Variants in ZDHHC15 observed in about 807,000 individuals in gnomAD.
ZDHHC15 encodes the protein palmitoyltransferase ZDHHC15.
In ZDHHC15, 19 loss-of-function variants were observed where a neutral mutation model predicts 31.7. The observed-to-expected ratio is 0.60, with a 90% CI of 0.42 to 0.88. The LOEUF (loss-of-function observed/expected upper bound fraction) is 0.88. ZDHHC15 is among the 40% of genes least tolerant of loss of function. The probability of loss-of-function intolerance (pLI) is 0.00; values close to 1 mark genes in which losing one functional copy is unlikely to be tolerated. For missense variants in ZDHHC15, 209 were observed against 251.2 expected (o/e 0.83, Z 1.14); for synonymous variants, 103 against 90.0 (o/e 1.14, Z -0.82).
At chrX:75,390,434 C>T (rs1192088019) in intron 10 of ZDHHC15, among the ~76,000 whole-genome samples, 1 of 111,605 alleles carries the variant, frequency 9.0e-6, no homozygotes, top group African/African-American at 3.3e-5. Flanking sequence ...GCTGACCCAG[C>T]ACAGCCCTAG....
At chrX:75,440,580 C>T (rs938164276) in intron 4 of ZDHHC15, among the ~76,000 whole-genome samples, 1 of 112,551 alleles carries the variant, frequency 8.9e-6, no homozygotes, top group Non-Finnish European at 1.9e-5. Flanking sequence ...TGCCCAACCA[C>T]GTTCTTTTAT....
intron 1 of ZDHHC15, among the ~76,000 whole-genome samples, chrX:75,507,606 C>T (rs2085188419): frequency 9.0e-6 from 1 of 111,518 alleles, no homozygotes; most frequent in Non-Finnish European, 1.9e-5. Context: ...GGTAAGTGTA[C>T]ATTTAGCCAT....
rs749051324 is a variant in ZDHHC15, at chrX:75,435,929, C to T, written c.380-4409G>A. On this transcript the variant is annotated intron_variant, in intron 4 of 11. Coordinates refer to ENST00000373367, the MANE Select transcript of ZDHHC15 (RefSeq NM_144969.3). ...TTCAGTAGGAGTGGTACCAATTCTTCTTTGAGTGTCTGATAGAATTCAGCT... is the reference window on the plus strand; with the variant it reads ...TTCAGTAGGAGTGGTACCAATTCTTTTTTGAGTGTCTGATAGAATTCAGCT... Among the ~76,000 whole-genome samples the T allele has an allele frequency of 3.6e-5, 4 of 111,903 alleles. No individual in the cohort carries two copies. In the South Asian group the frequency reaches 1.5e-3, roughly 42 times the overall value.
At chrX:75,375,585 A>G (rs1429872526) in intron 11 of ZDHHC15, among the ~76,000 whole-genome samples, 3 of 111,026 alleles carry the variant, frequency 2.7e-5, no homozygotes, top group African/African-American at 9.8e-5. Context: ...AGTAGTCCAC[A>G]GTGTCTATTG....
rs537855948 is a variant in ZDHHC15, at chrX:75,497,845, C to G, written c.163+7976G>C. ...TACACCTTATGGCAACGAAAGCCAT[C>G]TATGACAAACACACAGCCAACATTA... On this transcript the variant is annotated intron_variant, in intron 2 of 11. Transcript: ENST00000373367. 4.5e-5 allele frequency among the ~76,000 whole-genome samples: 5 copies of G among 110,773 alleles called. No homozygotes were observed. In the South Asian group the frequency reaches 1.9e-3, roughly 43 times the overall value.
chrX:75,505,982 T>C (rs1254509857), intron 1 of ZDHHC15, 135 bp from the exon 2 acceptor site: 6 of 527,458 alleles, frequency 1.1e-5, no homozygotes, highest in African/African-American at 9.4e-5. Flanking sequence ...ATTTATATAA[T>C]AGTACTTTAG....
At chrX:75,459,274 G>A (rs895581635) in intron 3 of ZDHHC15, among the ~76,000 whole-genome samples, 4 of 111,326 alleles carry the variant, frequency 3.6e-5, no homozygotes, top group Admixed American at 1.9e-4. Context: ...CACCTAAGAA[G>A]AGGGCTAAAT....
chrX:75,475,734 C>A (rs1258105084), intron 3 of ZDHHC15, among the ~76,000 whole-genome samples: 1 of 110,705 alleles, frequency 9.0e-6, no homozygotes, highest in African/African-American at 3.3e-5. Flanking sequence ...TAGAAAATGA[C>A]TTTTTATTTC....
chrX:75,479,223 A>AGGGGGAAATGTCCTTTATGACAATGT (rs2084652705), intron 2 of ZDHHC15, among the ~76,000 whole-genome samples: 1 of 112,068 alleles, frequency 8.9e-6, no homozygotes, highest in Non-Finnish European at 1.9e-5. Flanking sequence ...TCATTCTTGA[A>AGGGGGAAATGTCCTTTATGACAATGT]GGGGGAAATG....
At chrX:75,423,831 A>T (rs1242550999) in intron 8 of ZDHHC15, among the ~76,000 whole-genome samples, 1 of 109,420 alleles carries the variant, frequency 9.1e-6, no homozygotes, top group Non-Finnish European at 1.9e-5. Context: ...AGCTGTTAGC[A>T]TTATTAGCAA....
chrX:75,510,210 TC>T (rs1427599578), intron 1 of ZDHHC15, among the ~76,000 whole-genome samples: 1 of 111,829 alleles, frequency 8.9e-6, no homozygotes, highest in East Asian at 2.8e-4. Flanking sequence ...TCCAGGGCTC[TC>T]TTCACATAGC....
intron 2 of ZDHHC15, among the ~76,000 whole-genome samples, chrX:75,480,896 G>C (rs780038563): frequency 9.0e-6 from 1 of 111,378 alleles, no homozygotes; most frequent in South Asian, 3.8e-4. Flanking sequence ...TCTTTTTGTA[G>C]ATACTGCCAA....
At chrX:75,474,524 A>ATATATATATATATAATACCCTT (rs2084560547) in intron 3 of ZDHHC15, among the ~76,000 whole-genome samples, 2 of 14,141 alleles carry the variant, frequency 1.4e-4, no homozygotes, top group Non-Finnish European at 8.0e-4. Flanking sequence ...ATATGTGTGT[A>ATATATATATATATAATACCCTT]TATATATATA....
At chrX:75,442,132 G>A (rs1435347522) in intron 4 of ZDHHC15, among the ~76,000 whole-genome samples, 1 of 112,196 alleles carries the variant, frequency 8.9e-6, no homozygotes, top group Non-Finnish European at 1.9e-5. Context: ...GTGTCTTTGT[G>A]AGAGTTTTTC....
At chrX:75,497,127 G>A (rs896384666) in intron 2 of ZDHHC15, among the ~76,000 whole-genome samples, 5 of 111,629 alleles carry the variant, frequency 4.5e-5, no homozygotes, top group Non-Finnish European at 9.4e-5. Context: ...GTACAAATAA[G>A]CTCAATTAGA....
chrX:75,454,625 T>C (rs1247339245), intron 3 of ZDHHC15, among the ~76,000 whole-genome samples: 2 of 111,617 alleles, frequency 1.8e-5, no homozygotes, highest in East Asian at 2.8e-4. Context: ...TGATTGCCAT[T>C]CTAACTGGTG....
intron 1 of ZDHHC15, among the ~76,000 whole-genome samples, chrX:75,507,049 G>A (rs2085178141): frequency 1.8e-5 from 2 of 111,287 alleles, no homozygotes; most frequent in African/African-American, 6.5e-5. Context: ...TCCAGGTGGG[G>A]AACAGCTATC....
At position 75,370,760 on chromosome X, in the gene ZDHHC15, G is replaced by A. The variant is rs998593971; in HGVS notation, c.*2218C>T. 9.0e-6 allele frequency: 1 copy of A among 111,197 alleles called. No homozygotes were observed. Among genetic ancestry groups the A allele is most frequent in the Middle Eastern group, 4.6e-3 (1 of 216 alleles). 9.2% of individuals were successfully genotyped at this position (111,197 alleles called of 1,213,427 possible). On this transcript the variant is annotated 3_prime_UTR_variant, in exon 12 of 12. Transcript: ENST00000373367. ...TTGGTCAGGCTGGTCTTGAACTCCC[G>A]ACCTCAGGTGGTCCGGCCGCCTTGG...
At chrX:75,420,235 C>T (rs754828556) in intron 9 of ZDHHC15, among the ~76,000 whole-genome samples, 8 of 111,201 alleles carry the variant, frequency 7.2e-5, no homozygotes, top group Non-Finnish European at 1.3e-4. Flanking sequence ...TAGAGAAATG[C>T]AAATCAAAAC....
Sources: gnomAD v4.1 joint callset for allele counts (sites outside exome capture counted in the v4.1 genomes callset) on GRCh38, gnomAD v4.1.1 for gene constraint, MANE v1.5 for transcripts, NCBI Gene and HGNC (gene_info 2026-07-23, HGNC 2026-07-21) for gene names.